The following ADCY5 variants were observed in gnomAD, a reference collection of about 807,000 sequenced individuals.
The protein encoded by ADCY5 is adenylate cyclase type 5.
ADCY5 carries 30 observed loss-of-function variants against 119.7 expected under a neutral mutation model. The observed-to-expected ratio is 0.25, with a 90% CI of 0.19 to 0.34. ADCY5 has a LOEUF of 0.34. ADCY5 is among the 10% of genes least tolerant of loss of function. The pLI, the probability that ADCY5 is intolerant of heterozygous loss-of-function variation, is 1.00. For missense variants in ADCY5, 1,324 were observed against 1,775.2 expected, an observed-to-expected ratio of 0.75 and a Z score of 4.57; for synonymous variants, 753 against 762.2, an observed-to-expected ratio of 0.99 and a Z score of 0.20.
At chr3:123,360,488 T>C (rs962888693) in intron 1 of ADCY5, among the ~76,000 whole-genome samples, 20 of 152,192 alleles carry the variant, frequency 1.3e-4, no homozygotes, top group African/African-American at 4.1e-4. Flanking sequence ...CATCATGACA[T>C]CTTCCTACCC....
At position 123,320,735 on chromosome 3, in the gene ADCY5, G is replaced by C. The variant is rs761196651; in HGVS notation, c.2111+14C>G. On this transcript the variant is annotated intron_variant, in intron 9 of 20. Coordinates refer to ENST00000462833, the MANE Select transcript of ADCY5 (RefSeq NM_183357.3). ...GACCCAGGGAGCAGGAATAAGGAAG[G>C]GCATATTACTCACTTGTCCTTGGGG... 7 of 1,612,128 alleles carry C rather than the reference G, an allele frequency of 4.3e-6. No homozygotes were observed. The Admixed American group carries it at 1.2e-4, about 27-fold the overall frequency.
intron 6 of ADCY5, among the ~76,000 whole-genome samples, 179 bp from the exon 7 acceptor site, chr3:123,327,938 C>G (rs1030938519): frequency 2.0e-5 from 3 of 152,208 alleles, no homozygotes; most frequent in African/African-American, 7.2e-5. Context: ...ATCAAGTGGG[C>G]TCTCATGCCC....
intron 8 of ADCY5, among the ~76,000 whole-genome samples, 161 bp from the exon 9 acceptor site, chr3:123,320,932 C>G (rs1189725468): frequency 2.6e-5 from 4 of 152,184 alleles, no homozygotes; most frequent in African/African-American, 9.7e-5. Context: ...CCTTCCTTCA[C>G]TTGGAGAATA....
In ADCY5 at chr3:123,448,227, C is replaced by G. The variant is rs751941964; in HGVS notation, c.319G>C (p.Gly107Arg). Reference sequence around the variant, plus strand: ...CTGCCGCGACCGCAGTCGTCGCCGCCGCGCTCCTGCCAGGCGGACTTGGAG... The same window carrying G: ...CTGCCGCGACCGCAGTCGTCGCCGCGGCGCTCCTGCCAGGCGGACTTGGAG... ...FRSKSAWQER[G>R]GDDCGRGSRR... Residue 107 changes from glycine to arginine, a missense_variant, in exon 1 of 21, where the codon GGC (glycine) becomes CGC (arginine). This residue lies in a region of ADCY5 where 585 missense variants were observed against 569.9 expected (regional missense o/e 1.03). Coordinates refer to ENST00000462833, the MANE Select transcript of ADCY5 (RefSeq NM_183357.3). 7.3e-7 allele frequency: 1 copy of G among 1,372,178 alleles called. No individual in the cohort carries two copies. 85.0% of individuals were successfully genotyped at this position (1,372,178 alleles called of 1,614,324 possible). A position where few individuals can be genotyped will look rare whatever the true frequency, so the allele number is the denominator to read the frequency against.
At chr3:123,368,233 C>G (rs1274718653) in intron 1 of ADCY5, among the ~76,000 whole-genome samples, 1 of 152,166 alleles carries the variant, frequency 6.6e-6, no homozygotes, top group African/African-American at 2.4e-5. Flanking sequence ...CAGGTGTAAA[C>G]CAACACAGGC....
chr3:123,382,217 A>C (rs1264415173), intron 1 of ADCY5, among the ~76,000 whole-genome samples: 1 of 152,222 alleles, frequency 6.6e-6, no homozygotes, highest in Non-Finnish European at 1.5e-5. Context: ...AAAGTCCTCT[A>C]ACATCATCTC....
chr3:123,313,272 A>C (rs1250876266), intron 12 of ADCY5, among the ~76,000 whole-genome samples: 1 of 152,126 alleles, frequency 6.6e-6, no homozygotes, highest in African/African-American at 2.4e-5. Context: ...CAGACTAATA[A>C]GGGCCCTCTC....
intron 12 of ADCY5, among the ~76,000 whole-genome samples, chr3:123,304,531 G>A (rs1344813906): frequency 6.6e-6 from 1 of 152,164 alleles, no homozygotes; most frequent in African/African-American, 2.4e-5. Flanking sequence ...AGGGGCGGTG[G>A]GTGGCAGCTG....
chr3:123,293,890 A>C (rs1368302173), intron 17 of ADCY5, among the ~76,000 whole-genome samples: 3 of 152,204 alleles, frequency 2.0e-5, no homozygotes, highest in Admixed American at 6.5e-5. Flanking sequence ...CTCTACTACT[A>C]AGAATGAGGG....
intron 11 of ADCY5, 119 bp downstream of exon 11, chr3:123,317,901 C>G (rs1462244612): frequency 1.2e-5 from 11 of 896,056 alleles, no homozygotes; most frequent in Non-Finnish European, 1.9e-5. Context: ...AACTTCTCTC[C>G]GTGCCTGAGC....
At chr3:123,373,758 G>GCCTCCCC (rs1943718682) in intron 1 of ADCY5, among the ~76,000 whole-genome samples, 4 of 37,074 alleles carry the variant, frequency 1.1e-4, no homozygotes, top group Admixed American at 3.3e-4. Flanking sequence ...GAAGCATCAC[G>GCCTCCCC]CCCCCCCCCC....
chr3:123,387,005 A>G (rs111311972), intron 1 of ADCY5, among the ~76,000 whole-genome samples: 2,084 of 152,288 alleles, frequency 0.014, 35 homozygotes, highest in African/African-American at 0.044. Flanking sequence ...CTTCAAGGAG[A>G]GGAGAAACAG....
chr3:123,338,190 C>A (rs868259153), intron 3 of ADCY5, among the ~76,000 whole-genome samples: 1 of 152,180 alleles, frequency 6.6e-6, no homozygotes. Context: ...TGCTGAGGAA[C>A]CAGGGAGGGG....
chr3:123,297,494 T>C, intron 15 of ADCY5, 112 bp from the exon 16 acceptor site: 1 of 1,225,044 alleles, frequency 8.2e-7, no homozygotes, highest in Non-Finnish European at 1.2e-6. Flanking sequence ...TGCTGCTCCT[T>C]GGCTCCCCAG....
At position 123,300,672 on chromosome 3, in the gene ADCY5, G is replaced by A. The variant is rs1197178421; in HGVS notation, c.2725-377C>T. Reference sequence around the variant, plus strand: ...TCATGGCTCGCTGTGATGAACACACGGAAGGAAGCCCTGGCTGCAGTGTCC... The same window carrying A: ...TCATGGCTCGCTGTGATGAACACACAGAAGGAAGCCCTGGCTGCAGTGTCC... On this transcript the variant is annotated intron_variant, in intron 14 of 20. Coordinates refer to ENST00000462833, the MANE Select transcript of ADCY5 (RefSeq NM_183357.3). Among the ~76,000 whole-genome samples, 5 of 152,148 alleles carry A rather than the reference G, an allele frequency of 3.3e-5. No individual in the cohort carries two copies. The East Asian group carries it at 7.7e-4, about 23-fold the overall frequency.
chr3:123,429,666 C>A (rs962496236), intron 1 of ADCY5, among the ~76,000 whole-genome samples: 3 of 152,206 alleles, frequency 2.0e-5, no homozygotes, highest in African/African-American at 7.2e-5. Context: ...TCTAAAACCA[C>A]CTGATGGCCC....
Position 123,448,413 on chromosome 3 carries a change from C to G in ADCY5, c.133G>C (p.Ala45Pro). ...GAGCCGCGGGCAGAGCCCCCGGGGGCATGGGGGTAGCCATTCGCGCGGGAA... is the reference window on the plus strand; with the variant it reads ...GAGCCGCGGGCAGAGCCCCCGGGGGGATGGGGGTAGCCATTCGCGCGGGAA... ...ADSRANGYPH[A>P]PGGSARGSTK... The change falls in exon 1 of 21, where the codon GCC (alanine) becomes CCC (proline). Residue 45 changes from alanine (A) to proline (P), a missense_variant. Coordinates refer to ENST00000462833, the MANE Select transcript of ADCY5 (RefSeq NM_183357.3). 7.1e-7 allele frequency: 1 copy of G among 1,404,234 alleles called. No individual in the cohort carries two copies. The highest frequency in any genetic ancestry group is 9.2e-7 in the Non-Finnish European group (1 of 1,083,166). 87.0% of individuals were successfully genotyped at this position (1,404,234 alleles called of 1,614,324 possible).
Position 123,447,390 on chromosome 3 carries a change from C to G in ADCY5, c.1134+22G>C, listed in dbSNP as rs199538724. On this transcript the variant is annotated intron_variant, in intron 1 of 20. Transcript: ENST00000462833. The stretch of plus-strand genomic sequence containing the variant: ...GCCTGCCCGCCCCGCAATCCAGTCC[C>G]GGTGGCCAGGTCGGCCCCTACCTGC... 3.8e-5 allele frequency: 58 copies of G among 1,519,454 alleles called. 1 individual carries two copies. In the East Asian group the frequency reaches 1.1e-3, roughly 28 times the overall value. 94.1% of individuals were successfully genotyped at this position (1,519,454 alleles called of 1,614,324 possible). A position where few individuals can be genotyped will look rare whatever the true frequency, so the allele number is the denominator to read the frequency against.
chr3:123,357,997 G>A (rs1007548500), intron 1 of ADCY5, among the ~76,000 whole-genome samples: 8 of 152,178 alleles, frequency 5.3e-5, no homozygotes, highest in Admixed American at 3.9e-4. Flanking sequence ...GTAAAAGTAA[G>A]TATAAACCCT....
Sources: allele counts gnomAD v4.1 joint callset (sites outside exome capture counted in the v4.1 genomes callset), GRCh38; gene constraint gnomAD v4.1.1; regional missense constraint gnomAD v4.1.1; transcripts MANE v1.5; gene names NCBI Gene and HGNC (gene_info 2026-07-23, HGNC 2026-07-21).